The following TAFA1 variants were observed in gnomAD, a reference collection of about 807,000 sequenced individuals.
TAFA1 encodes TAFA chemokine like family member 1.
Under a neutral mutation model 18.5 loss-of-function variants are expected in TAFA1, and 4 were observed. The ratio of observed to expected loss-of-function variants is 0.22; its 90% confidence interval spans 0.11 to 0.49. TAFA1 has a LOEUF of 0.49. TAFA1 is among the 20% of genes least tolerant of loss of function. The pLI, the probability that TAFA1 is intolerant of heterozygous loss-of-function variation, is 0.98. For missense variants in TAFA1, 147 were observed against 169.0 expected (o/e 0.87, Z 0.72); for synonymous variants, 56 against 55.2 (o/e 1.01, Z -0.06).
intron 2 of TAFA1, among the ~76,000 whole-genome samples, chr3:68,405,412 C>T (rs1295664195): frequency 6.6e-6 from 1 of 151,842 alleles, no homozygotes; most frequent in Non-Finnish European, 1.5e-5. Context: ...CTTTGGGAGG[C>T]TGAGGTGGGA....
At chr3:68,262,318 TATATATATATATATATATATATATATATA>T (rs2067445250) in intron 2 of TAFA1, among the ~76,000 whole-genome samples, 1 of 66,378 alleles carries the variant, frequency 1.5e-5, no homozygotes, top group East Asian at 3.0e-4. Flanking sequence ...TATATATATA[TATATATATATATATATATATATATATATA>T]TATATATATA....
At chr3:68,384,727 T>A (rs1302400887) in intron 2 of TAFA1, among the ~76,000 whole-genome samples, 1 of 152,038 alleles carries the variant, frequency 6.6e-6, no homozygotes, top group Non-Finnish European at 1.5e-5. Flanking sequence ...CTTTTTGAAT[T>A]TTCTACCTCA....
chr3:68,331,228 T>C (rs1471376461), intron 2 of TAFA1, among the ~76,000 whole-genome samples: 1 of 152,192 alleles, frequency 6.6e-6, no homozygotes, highest in Non-Finnish European at 1.5e-5. Flanking sequence ...TTAAATATCT[T>C]GAATGAGCAA....
At chr3:68,385,359 C>G (rs1030020165) in intron 2 of TAFA1, among the ~76,000 whole-genome samples, 1 of 152,054 alleles carries the variant, frequency 6.6e-6, no homozygotes, top group African/African-American at 2.4e-5. Context: ...AAAGTACTTG[C>G]TAAACCAGGT....
chr3:68,432,505 T>C (rs1358548936), intron 3 of TAFA1, among the ~76,000 whole-genome samples: 1 of 152,036 alleles, frequency 6.6e-6, no homozygotes, highest in Non-Finnish European at 1.5e-5. Context: ...ATTTTGATTG[T>C]AATGCCTTTG....
At chr3:68,006,496 C>A (rs1346290573) in intron 1 of TAFA1, 128 bp from the exon 2 acceptor site, 12 of 681,636 alleles carry the variant, frequency 1.8e-5, no homozygotes, top group African/African-American at 1.7e-5. Context: ...TCTGCTGGAT[C>A]ATTAGTTCTA....
rs140705425 is a variant in TAFA1 at position 68,277,140 on chromosome 3, A to T, written c.119-140140A>T. Among the ~76,000 whole-genome samples, 18 of 152,272 alleles carry T rather than the reference A, an allele frequency of 1.2e-4. No individual in the cohort carries two copies. The East Asian group carries it at 2.7e-3, about 23-fold the overall frequency. On this transcript the variant is annotated intron_variant, in intron 2 of 4. Transcript: ENST00000478136. ...CTCCTTATGTAAAACCTACTTGCAT[A>T]TATATTAGTGCATACATTAGAATGT... is the stretch of plus-strand genomic sequence containing the variant.
At chr3:68,184,403 T>G (rs955879397) in intron 2 of TAFA1, among the ~76,000 whole-genome samples, 3 of 152,128 alleles carry the variant, frequency 2.0e-5, no homozygotes, top group Admixed American at 2.0e-4. Flanking sequence ...TTGGAAACAC[T>G]GTGGCTAGAA....
chr3:68,233,320 T>C (rs1469964509), intron 2 of TAFA1, among the ~76,000 whole-genome samples: 1 of 152,232 alleles, frequency 6.6e-6, no homozygotes, highest in African/African-American at 2.4e-5. Flanking sequence ...ACTCTGTTGA[T>C]TGTTTTCTTT....
the TAFA1 span, among the ~76,000 whole-genome samples, chr3:67,996,736 T>C: frequency 6.6e-6 from 1 of 151,700 alleles, no homozygotes; most frequent in African/African-American, 2.4e-5. Context: ...GAGGCAGAGG[T>C]TGCAGTGAGC....
chr3:68,380,448 A>G (rs2069920735), intron 2 of TAFA1, among the ~76,000 whole-genome samples: 1 of 152,074 alleles, frequency 6.6e-6, no homozygotes, highest in Admixed American at 6.6e-5. Context: ...TGACTTTTTA[A>G]TGATCGCCAT....
At chr3:68,528,242 C>T (rs547701134) in intron 3 of TAFA1, among the ~76,000 whole-genome samples, 15 of 152,226 alleles carry the variant, frequency 9.9e-5, no homozygotes, top group Admixed American at 5.9e-4. Context: ...CTAAAATTCA[C>T]GATAACCAGT....
At chr3:68,147,785 C>G (rs2065761100) in intron 2 of TAFA1, among the ~76,000 whole-genome samples, 1 of 152,186 alleles carries the variant, frequency 6.6e-6, no homozygotes, top group Non-Finnish European at 1.5e-5. Flanking sequence ...TTGAACTTCT[C>G]TAGATGTCCT....
intron 2 of TAFA1, among the ~76,000 whole-genome samples, chr3:68,308,265 T>C (rs1029789367): frequency 3.3e-5 from 5 of 152,218 alleles, no homozygotes; most frequent in Non-Finnish European, 7.3e-5. Context: ...CTGTCTTCAT[T>C]AAAATGCTAT....
At chr3:68,340,919 A>G (rs950862141) in intron 2 of TAFA1, among the ~76,000 whole-genome samples, 1 of 152,248 alleles carries the variant, frequency 6.6e-6, no homozygotes, top group African/African-American at 2.4e-5. Flanking sequence ...TTCAGATAAA[A>G]GAAAACAGAC....
rs144369579 is a variant in TAFA1, at chr3:68,006,465, A to G, written c.-3-159A>G. ...ATCATCTGAAAAGGGCTTTCTCTCA[A>G]TCCCACTTCATGGCATGACCTCTGC... On this transcript the variant is annotated intron_variant, in intron 1 of 4. Transcript: ENST00000478136. The G allele has an allele frequency of 1.1e-3, 672 of 590,762 alleles. 6 individuals are homozygous for G. The highest frequency in any genetic ancestry group is 0.011 in the African/African-American group (614 of 54,284). The allele number at this position is 590,762 out of a possible 1,614,324, so 36.6% of individuals were successfully genotyped here.
chr3:68,006,431 G>A (rs1704358637), intron 1 of TAFA1, 193 bp from the exon 2 acceptor site: 1 of 532,420 alleles, frequency 1.9e-6, no homozygotes, highest in Non-Finnish European at 3.4e-6. Flanking sequence ...AGAAAAAAAT[G>A]AATGTATGAT....
At chr3:68,111,109 C>T (rs1025069738) in intron 2 of TAFA1, among the ~76,000 whole-genome samples, 5 of 152,156 alleles carry the variant, frequency 3.3e-5, no homozygotes, top group African/African-American at 9.7e-5. Context: ...TATAGGCTAC[C>T]ACTACAGATC....
intron 2 of TAFA1, among the ~76,000 whole-genome samples, chr3:68,090,317 C>T (rs915908092): frequency 1.3e-5 from 2 of 152,126 alleles, no homozygotes; most frequent in Non-Finnish European, 2.9e-5. Context: ...CACGTGTACC[C>T]TTTACTCAGT....
Sources: gnomAD v4.1 joint callset for allele counts (sites outside exome capture counted in the v4.1 genomes callset) on GRCh38, gnomAD v4.1.1 for gene constraint, MANE v1.5 for transcripts, NCBI Gene and HGNC (gene_info 2026-07-23, HGNC 2026-07-21) for gene names.